Variants in BMP7 observed in about 807,000 individuals in gnomAD.
BMP7 encodes the protein osteogenic protein 1.
BMP7 carries 12 observed loss-of-function variants against 41.2 expected under a neutral mutation model. The ratio of observed to expected loss-of-function variants is 0.29; its 90% CI spans 0.19 to 0.47. BMP7 has a LOEUF of 0.47. Among genes scored for constraint, BMP7 ranks in the 20% least tolerant of loss-of-function variants. The pLI is 0.99. For synonymous variants in BMP7, 248 were observed against 250.0 expected, an observed-to-expected ratio of 0.99 and a Z score of 0.07; for missense variants, 467 against 606.0, an observed-to-expected ratio of 0.77 and a Z score of 2.41.
chr20:57,237,966 G>A (rs1015537542), intron 1 of BMP7, among the ~76,000 whole-genome samples: 1 of 152,166 alleles, frequency 6.6e-6, no homozygotes, highest in African/African-American at 2.4e-5. Context: ...AAAATACACA[G>A]AATATACAAT....
chr20:57,212,412 G>C (rs565807606), intron 2 of BMP7, among the ~76,000 whole-genome samples: 13 of 152,306 alleles, frequency 8.5e-5, no homozygotes, highest in African/African-American at 3.1e-4. Context: ...AAGCCGGGAG[G>C]AGTTCTAAGC....
Position 57,254,462 on chromosome 20 carries a change from T to C in BMP7, c.418+11243A>G, listed in dbSNP as rs565935471. 9.9e-5 allele frequency among the ~76,000 whole-genome samples: 15 copies of C among 152,242 alleles called. 1 individual carries two copies. In the East Asian group the frequency reaches 1.9e-3, roughly 20 times the overall value. ...GAAGGTAGGGAGTCCTTCCTGCCCATGTGTCCATGGTATTACTGCAATGTG... is the reference window on the plus strand; with the variant it reads ...GAAGGTAGGGAGTCCTTCCTGCCCACGTGTCCATGGTATTACTGCAATGTG... On this transcript the variant is annotated intron_variant, in intron 1 of 6. Coordinates refer to ENST00000395863, the MANE Select transcript of BMP7 (RefSeq NM_001719.3).
At chr20:57,232,838 G>A (rs2066034041) in intron 1 of BMP7, among the ~76,000 whole-genome samples, 1 of 139,872 alleles carries the variant, frequency 7.1e-6, no homozygotes, top group Admixed American at 7.5e-5. Flanking sequence ...ATCAAAGAAA[G>A]AACAGTCATG....
chr20:57,230,628 C>T (rs1012611823), intron 1 of BMP7, among the ~76,000 whole-genome samples: 6 of 150,442 alleles, frequency 4.0e-5, no homozygotes, highest in East Asian at 2.0e-4. Context: ...TCTGTGGCTG[C>T]GTGAACAGCT....
intron 1 of BMP7, among the ~76,000 whole-genome samples, chr20:57,244,406 G>C (rs556418945): frequency 6.6e-6 from 1 of 152,196 alleles, no homozygotes; most frequent in East Asian, 1.9e-4. Context: ...CTTCTCCGGA[G>C]ACTTAGTGAA....
rs1351719312 is a variant in BMP7 at position 57,224,405 on chromosome 20, A to G, written c.611+3824T>C. ...CCTCCCAGGGAGGTTCTCAGAGGCC[A>G]GCTCCCAAAGCAGAAGTGTGTCGCC... On this transcript the variant is annotated intron_variant, in intron 2 of 6. Transcript: ENST00000395863. This position sits in a 1 kb window ranked among gnomAD's most constrained non-coding sequence, Gnocchi z 4.8. Among the ~76,000 whole-genome samples the G allele has an allele frequency of 6.6e-6, 1 of 152,174 alleles. No homozygotes were observed. The highest frequency in any genetic ancestry group is 1.5e-5 in the Non-Finnish European group (1 of 68,016).
At chr20:57,187,606 T>C (rs1984246006) in intron 3 of BMP7, among the ~76,000 whole-genome samples, 1 of 149,996 alleles carries the variant, frequency 6.7e-6, no homozygotes, top group African/African-American at 2.5e-5. Flanking sequence ...GGAGGAGGGA[T>C]AGATGGAGCC....
chr20:57,178,295 G>A lies in BMP7; in HGVS notation c.959-3288C>T, dbSNP rs541952077. ...GCAGGCACTGAGCCTGGCAAGGAAT[G>A]AGGAAGCTGGGGCCTGGGTCAGCAG... On this transcript the variant is annotated intron_variant, in intron 4 of 6. Coordinates refer to ENST00000395863, the MANE Select transcript of BMP7 (RefSeq NM_001719.3). Among the ~76,000 whole-genome samples the A allele has an allele frequency of 2.6e-5, 4 of 152,314 alleles. No homozygotes were observed. In the East Asian group the frequency reaches 5.8e-4, roughly 22 times the overall value.
At chr20:57,187,499 C>T (rs1048432137) in intron 3 of BMP7, among the ~76,000 whole-genome samples, 16 of 151,338 alleles carry the variant, frequency 1.1e-4, no homozygotes, top group African/African-American at 3.9e-4. Context: ...GGAGAAGTAT[C>T]CTGGAGGTTT....
intron 2 of BMP7, among the ~76,000 whole-genome samples, chr20:57,223,432 A>C (rs1044719740): frequency 3.3e-5 from 5 of 152,162 alleles, no homozygotes; most frequent in African/African-American, 1.2e-4. Flanking sequence ...TGCACAGCCA[A>C]GGCTGAAAAC....
Position 57,184,065 on chromosome 20 carries a change from G to C in BMP7, c.761-146C>G, listed in dbSNP as rs1017748565. ...AAGTATTTATTGAGTACTCACTCTA[G>C]GCCAGGTACTGTTTAAGGAACTTGG... On this transcript the variant is annotated intron_variant, in intron 3 of 6. Transcript: ENST00000395863. 7.3e-6 allele frequency: 7 copies of C among 956,652 alleles called. No homozygotes were observed. The African/African-American group carries it at 1.1e-4, about 16-fold the overall frequency. 59.3% of individuals were successfully genotyped at this position (956,652 alleles called of 1,614,324 possible).
Position 57,248,947 on chromosome 20 carries a change from C to T in BMP7, c.418+16758G>A, listed in dbSNP as rs541402504. On this transcript the variant is annotated intron_variant, in intron 1 of 6. Coordinates refer to ENST00000395863, the MANE Select transcript of BMP7 (RefSeq NM_001719.3). ...CTGAGTAGCTGGGACTACAGGTGCC[C>T]ACCACCACGCCCAGCTAATTTTTTT... is the stretch of plus-strand genomic sequence containing the variant. 2.6e-3 allele frequency among the ~76,000 whole-genome samples: 390 copies of T among 152,084 alleles called. 7 individuals carry two copies. The highest frequency in any genetic ancestry group is 1.8e-3 in the Non-Finnish European group (125 of 67,996).
chr20:57,261,862 C>G lies in BMP7; in HGVS notation c.418+3843G>C, dbSNP rs1178027409. On this transcript the variant is annotated intron_variant, in intron 1 of 6. Transcript: ENST00000395863. The surrounding 1 kb of genome is among the most constrained non-coding windows in gnomAD (Gnocchi z 4.1). ...TAATACTCTACAGTGGTAGGGCCTG[C>G]TCTTGACGGGCAGTGGGAGAGGTCT... Among the ~76,000 whole-genome samples the G allele has an allele frequency of 6.6e-6, 1 of 152,218 alleles. No individual in the cohort carries two copies. Among genetic ancestry groups the G allele is most frequent in the Non-Finnish European group, 1.5e-5 (1 of 68,038 alleles).
intron 4 of BMP7, among the ~76,000 whole-genome samples, chr20:57,176,015 T>C (rs1983915487): frequency 1.3e-5 from 2 of 152,234 alleles, no homozygotes; most frequent in South Asian, 4.1e-4. Flanking sequence ...AAGTCACTAT[T>C]AGATCCCCAA....
chr20:57,189,889 T>C (rs1052587407), intron 3 of BMP7, among the ~76,000 whole-genome samples: 2 of 152,162 alleles, frequency 1.3e-5, no homozygotes, highest in Non-Finnish European at 2.9e-5. Context: ...GGGTGCACAG[T>C]GCTGTGTCTG....
chr20:57,185,156 C>T (rs1984181147), intron 3 of BMP7, among the ~76,000 whole-genome samples: 1 of 152,146 alleles, frequency 6.6e-6, no homozygotes, highest in African/African-American at 2.4e-5. Context: ...GAGACTGGAC[C>T]CAGGGCAGTG....
At chr20:57,200,812 T>C (rs1394758610) in intron 3 of BMP7, among the ~76,000 whole-genome samples, 1 of 151,918 alleles carries the variant, frequency 6.6e-6, no homozygotes, top group Non-Finnish European at 1.5e-5. Context: ...AAACTACAAA[T>C]AGACAATGCC....
In BMP7 at chr20:57,182,050, C is replaced by T. The variant is rs528654178; in HGVS notation, c.958+1672G>A. Among the ~76,000 whole-genome samples, 58 of 152,306 alleles carry T rather than the reference C, an allele frequency of 3.8e-4. 1 individual carries two copies. The South Asian group carries it at 8.3e-3, about 22-fold the overall frequency. On this transcript the variant is annotated intron_variant, in intron 4 of 6. Coordinates refer to ENST00000395863, the MANE Select transcript of BMP7 (RefSeq NM_001719.3). The stretch of plus-strand genomic sequence containing the variant: ...ACCCCCGGGCAGCAGCTCCCCTGGC[C>T]GGCGGGATGGGATTGGGGATGGGGA...
intron 3 of BMP7, among the ~76,000 whole-genome samples, chr20:57,195,114 A>G (rs1261305524): frequency 6.6e-6 from 1 of 152,224 alleles, no homozygotes; most frequent in African/African-American, 2.4e-5. Flanking sequence ...CGACTTGAGC[A>G]AAATCGGCAT....
Sources: allele counts gnomAD v4.1 joint callset (sites outside exome capture counted in the v4.1 genomes callset), GRCh38; gene constraint gnomAD v4.1.1; non-coding constraint Gnocchi (gnomAD v3.1); transcripts MANE v1.5; gene names NCBI Gene and HGNC (gene_info 2026-07-23, HGNC 2026-07-21).